Variants in KCNT2 observed in about 807,000 individuals in gnomAD.
KCNT2 encodes potassium channel subfamily T member 2.
Under a neutral mutation model 153.8 loss-of-function variants are expected in KCNT2, and 67 were observed. The observed-to-expected ratio is 0.44, with a 90% CI of 0.36 to 0.53. KCNT2 has a LOEUF of 0.53. Ranked by LOEUF, KCNT2 falls within the 20% of genes least tolerant of loss-of-function variation. KCNT2 has a pLI of 0.00. For missense variants in KCNT2, 975 were observed against 1,354.8 expected, an observed-to-expected ratio of 0.72 and a Z score of 4.40; for synonymous variants, 500 against 458.8, an observed-to-expected ratio of 1.09 and a Z score of -1.15.
intron 1 of KCNT2, among the ~76,000 whole-genome samples, chr1:196,577,907 AAAG>A (rs1355089783): frequency 6.6e-6 from 1 of 152,194 alleles, no homozygotes; most frequent in East Asian, 1.9e-4. Context: ...TTAGAAATGC[AAAG>A]AAGCAAAAAA....
intron 27 of KCNT2, among the ~76,000 whole-genome samples, chr1:196,235,487 C>T (rs1460028943): frequency 6.6e-6 from 1 of 151,400 alleles, no homozygotes; most frequent in African/African-American, 2.4e-5. Flanking sequence ...AGTGTAAGGA[C>T]TTTGAAGTCA....
intron 8 of KCNT2, among the ~76,000 whole-genome samples, chr1:196,450,374 T>C (rs1676050870): frequency 6.6e-6 from 1 of 151,888 alleles, no homozygotes; most frequent in African/African-American, 2.4e-5. Context: ...TTAATCCTAA[T>C]CCCTCTACTG....
At chr1:196,497,608 C>T (rs1230892006) in intron 1 of KCNT2, among the ~76,000 whole-genome samples, 1 of 151,950 alleles carries the variant, frequency 6.6e-6, no homozygotes, top group African/African-American at 2.4e-5. Context: ...TACTGAGGAA[C>T]AATTGTATTT....
At chr1:196,319,009 A>G (rs1663019575) in intron 20 of KCNT2, among the ~76,000 whole-genome samples, 1 of 151,780 alleles carries the variant, frequency 6.6e-6, no homozygotes, top group South Asian at 2.1e-4. Flanking sequence ...TGACCTTTTC[A>G]TTAACAAATA....
At chr1:196,470,904 G>C (rs1344733566) in intron 5 of KCNT2, among the ~76,000 whole-genome samples, 34 of 122,012 alleles carry the variant, frequency 2.8e-4, no homozygotes, top group African/African-American at 1.0e-3. Flanking sequence ...TTTTGAGACA[G>C]AGTCTCGCTC....
intron 25 of KCNT2, among the ~76,000 whole-genome samples, chr1:196,274,304 A>G (rs1206205801): frequency 6.6e-6 from 1 of 151,680 alleles, no homozygotes; most frequent in Non-Finnish European, 1.5e-5. Context: ...ATTTGATGTA[A>G]TATAACTTGT....
rs118126970 is a variant in KCNT2 at position 196,337,885 on chromosome 1, C to T, written c.1783+2456G>A. On this transcript the variant is annotated intron_variant, in intron 16 of 27. Transcript: ENST00000294725. The stretch of plus-strand genomic sequence containing the variant: ...ATTTTTTTATATGTACTTTGGTTAT[C>T]GCCTGTCTTCTCCATAATAGAATGC... Among the ~76,000 whole-genome samples the T allele has an allele frequency of 2.2e-4, 33 of 152,130 alleles. 1 individual carries two copies. In the East Asian group the frequency reaches 6.0e-3, roughly 28 times the overall value.
intron 26 of KCNT2, among the ~76,000 whole-genome samples, chr1:196,238,085 C>A (rs997688283): frequency 6.6e-6 from 1 of 151,710 alleles, no homozygotes; most frequent in Non-Finnish European, 1.5e-5. Flanking sequence ...TATATAACTC[C>A]GTTTCTTTTA....
intron 24 of KCNT2, among the ~76,000 whole-genome samples, chr1:196,281,845 C>T (rs960799663): frequency 1.3e-5 from 2 of 151,680 alleles, no homozygotes; most frequent in African/African-American, 2.4e-5. Flanking sequence ...CAAGCTCTGC[C>T]CCCTGGGTTC....
chr1:196,388,859 T>C (rs756060258), intron 13 of KCNT2, among the ~76,000 whole-genome samples: 38 of 151,738 alleles, frequency 2.5e-4, no homozygotes, highest in Non-Finnish European at 3.7e-4. Context: ...CTTTCTAACA[T>C]GTACATTAAC....
At position 196,316,016 on chromosome 1, in the gene KCNT2, A is replaced by G. The variant is rs1336138598; in HGVS notation, c.2359T>C (p.Leu787=). 4.3e-6 allele frequency: 7 copies of G among 1,609,730 alleles called. No homozygotes were observed. Among genetic ancestry groups the G allele is most frequent in the Admixed American group, 3.4e-5 (2 of 59,552 alleles). ...MVGSIDNLDD[L]LRCGVTFAAN... ...GCAAAAGTCACTCCACACCTGAGTA[A>G]GTCATCTAGGCTTTGATAAAAATCA... The change falls in exon 21 of 28, where the codon TTA becomes CTA. Residue 787 remains leucine, a synonymous_variant. Coordinates refer to ENST00000294725, the MANE Select transcript of KCNT2 (RefSeq NM_198503.5).
At chr1:196,591,840 A>G (rs530170893) in intron 1 of KCNT2, among the ~76,000 whole-genome samples, 1 of 152,300 alleles carries the variant, frequency 6.6e-6, no homozygotes, top group East Asian at 1.9e-4. Context: ...GTTTACTAGA[A>G]TGAGATATTA....
chr1:196,296,740 T>A lies in KCNT2; in HGVS notation c.2595+8494A>T, dbSNP rs1169872694. ...CTGTTGGCTTTAATGTTTTGAAATG[T>A]TTTTTTATTTGACTTGGGCTGTGAA... is the stretch of plus-strand genomic sequence containing the variant. On this transcript the variant is annotated intron_variant, in intron 22 of 27. Coordinates refer to ENST00000294725, the MANE Select transcript of KCNT2 (RefSeq NM_198503.5). Among the ~76,000 whole-genome samples the A allele has an allele frequency of 2.6e-5, 4 of 152,174 alleles. No homozygotes were observed. The South Asian group carries it at 8.3e-4, about 32-fold the overall frequency.
intron 1 of KCNT2, among the ~76,000 whole-genome samples, chr1:196,562,694 G>C (rs766313144): frequency 6.6e-6 from 1 of 150,806 alleles, no homozygotes; most frequent in Admixed American, 6.6e-5. Context: ...GTAAGGTTCT[G>C]ATTTCTTTCT....
rs1671156074 is a variant in KCNT2, at chr1:196,398,677, G to A, written c.1186-6C>T. On this transcript the variant is annotated splice_polypyrimidine_tract_variant and splice_region_variant and intron_variant, in intron 12 of 27. Transcript: ENST00000294725. ...CTCAAAATTGTTTGGTGATCCTGAA[G>A]TGATCAAAATAAAAACATCATAGCA... The A allele has an allele frequency of 6.8e-7, 1 of 1,460,254 alleles. No homozygotes were observed. The highest frequency in any genetic ancestry group is 9.5e-7 in the Non-Finnish European group (1 of 1,047,820). The allele number at this position is 1,460,254 out of a possible 1,614,324, so 90.5% of individuals were successfully genotyped here. A position where few individuals can be genotyped will look rare whatever the true frequency, so the allele number is the denominator to read the frequency against.
At chr1:196,351,822 T>C (rs1666731350) in intron 14 of KCNT2, among the ~76,000 whole-genome samples, 1 of 152,172 alleles carries the variant, frequency 6.6e-6, no homozygotes, top group African/African-American at 2.4e-5. Flanking sequence ...GCCCATTCAG[T>C]ATGATATTGG....
intron 13 of KCNT2, among the ~76,000 whole-genome samples, chr1:196,389,458 T>C (rs73067650): frequency 0.051 from 7,793 of 151,768 alleles, 670 homozygotes; most frequent in African/African-American, 0.18. Context: ...TTTATTGATA[T>C]GTCTAGTCAT....
intron 1 of KCNT2, among the ~76,000 whole-genome samples, chr1:196,521,259 A>C (rs1653352095): frequency 1.3e-5 from 2 of 152,232 alleles, no homozygotes; most frequent in African/African-American, 4.8e-5. Flanking sequence ...ATCTCACACC[A>C]GTAAGAATGG....
chr1:196,372,540 T>C (rs903963280), intron 14 of KCNT2, among the ~76,000 whole-genome samples: 9 of 151,952 alleles, frequency 5.9e-5, no homozygotes, highest in African/African-American at 1.9e-4. Context: ...ACAACTTCTG[T>C]ATTTCATAAA....
Sources: allele counts gnomAD v4.1 joint callset (sites outside exome capture counted in the v4.1 genomes callset), GRCh38; gene constraint gnomAD v4.1.1; transcripts MANE v1.5; gene names NCBI Gene and HGNC (gene_info 2026-07-23, HGNC 2026-07-21).